SNRNP70: variants seen among roughly 807,000 people sequenced by gnomAD.
SNRNP70 encodes the protein U1 small nuclear ribonucleoprotein 70 kDa.
Under a neutral mutation model 50.5 loss-of-function variants are expected in SNRNP70, and 8 were observed. The observed-to-expected ratio is 0.16, with a 90% CI of 0.09 to 0.29. The LOEUF is 0.29. Ranked by LOEUF, SNRNP70 falls within the 10% of genes least tolerant of loss-of-function variation. The pLI is 1.00. For missense variants in SNRNP70, 529 were observed against 663.5 expected (o/e 0.80, Z 2.23); for synonymous variants, 320 against 252.9 (o/e 1.27, Z -2.52).
intron 6 of SNRNP70, among the ~76,000 whole-genome samples, chr19:49,099,830 T>G (rs1245362344): frequency 6.6e-6 from 1 of 151,766 alleles, no homozygotes; most frequent in Non-Finnish European, 1.5e-5. Context: ...TCACCTGAGG[T>G]CAGGAGGCAA....
intron 2 of SNRNP70, chr19:49,087,599 C>T (rs1406970829): frequency 6.6e-6 from 1 of 152,122 alleles, no homozygotes; most frequent in Non-Finnish European, 1.5e-5. Context: ...GGCTCCTGGA[C>T]CTCTGTGTTT....
intron 7 of SNRNP70, chr19:49,102,222 C>G (rs2040596964): frequency 7.8e-7 from 1 of 1,274,640 alleles, no homozygotes; most frequent in Non-Finnish European, 1.0e-6. Flanking sequence ...GCACCGCACA[C>G]CAGCCCAGCT....
At chr19:49,099,757 T>A (rs1348026962) in intron 6 of SNRNP70, among the ~76,000 whole-genome samples, 7 of 116,606 alleles carry the variant, frequency 6.0e-5, no homozygotes, top group Admixed American at 3.4e-4. Flanking sequence ...AAAAAAGTAT[T>A]GTAGGCTGGG....
In SNRNP70 at chr19:49,107,890, G is replaced by T; in HGVS notation, c.761G>T (p.Arg254Leu). The T allele has an allele frequency of 6.4e-7, 1 of 1,550,392 alleles. No homozygotes were observed. The highest frequency in any genetic ancestry group is 1.2e-5 in the South Asian group (1 of 84,326). ...RSRERDKERERRRSRSRDRRR... is the reference protein window; with the variant it reads ...RSRERDKERELRRSRSRDRRR... ...CGGGAGCGAGACAAGGAGCGAGAACGGCGACGCTCCCGCTCCCGGGACCGG... is the reference window on the plus strand; with the variant it reads ...CGGGAGCGAGACAAGGAGCGAGAACTGCGACGCTCCCGCTCCCGGGACCGG... Residue 254 changes from arginine to leucine, a missense_variant, in exon 10 of 10, where the codon CGG becomes CTG. Physicochemically the swap from Arg to Leu is moderately radical, Grantham distance 102. This residue lies in a region of SNRNP70 where 327 missense variants were observed against 308.8 expected (regional missense o/e 1.06). Transcript: ENST00000598441. The surrounding 1 kb of genome is among the most constrained non-coding windows in gnomAD (Gnocchi z 6.0).
Position 49,104,571 on chromosome 19 carries a change from C to A in SNRNP70, c.476-63C>A. On this transcript the variant is annotated intron_variant, in intron 7 of 9. Coordinates refer to ENST00000598441, the MANE Select transcript of SNRNP70 (RefSeq NM_003089.6). The surrounding 1 kb of genome is among the most constrained non-coding windows in gnomAD (Gnocchi z 5.4). ...GGGCGGGGATTCTGTAGAGCTGGGC[C>A]TGTCCTGACTAGAGGACCCTCTGGG... is the stretch of plus-strand genomic sequence containing the variant. 1 of 1,255,814 alleles carries A rather than the reference C, an allele frequency of 8.0e-7. No homozygotes were observed. Among genetic ancestry groups the A allele is most frequent in the Non-Finnish European group, 1.1e-6 (1 of 879,430 alleles). 77.8% of individuals were successfully genotyped at this position (1,255,814 alleles called of 1,614,324 possible).
At chr19:49,090,674 C>G (rs756889445) in intron 4 of SNRNP70, 154 bp downstream of exon 4, 2 of 723,018 alleles carry the variant, frequency 2.8e-6, no homozygotes, top group East Asian at 2.7e-5. Flanking sequence ...TTCACAAGCA[C>G]TGTTTTTGGT....
Position 49,104,514 on chromosome 19 carries a change from G to GGCGTGT in SNRNP70, c.476-108_476-103dup, listed in dbSNP as rs751439235. ...CTGTCAGTTGCCTGGCTGTCTGTTG[G>GGCGTGT]GCGTGTGCGTGTGCGTGATGATGGG... On this transcript the variant is annotated intron_variant, in intron 7 of 9. Coordinates refer to ENST00000598441, the MANE Select transcript of SNRNP70 (RefSeq NM_003089.6). The surrounding 1 kb of genome is among the most constrained non-coding windows in gnomAD (Gnocchi z 5.4). The GGCGTGT allele has an allele frequency of 2.4e-5, 18 of 749,798 alleles. No individual in the cohort carries two copies. Among genetic ancestry groups the GGCGTGT allele is most frequent in the South Asian group, 3.0e-5 (2 of 65,612 alleles). The allele number at this position is 749,798 out of a possible 1,614,324, so 46.4% of individuals were successfully genotyped here.
intron 1 of SNRNP70, 112 bp downstream of exon 1, chr19:49,085,748 C>G (rs989926822): frequency 6.7e-5 from 29 of 433,706 alleles, no homozygotes; most frequent in Non-Finnish European, 1.3e-4. Context: ...GCGTCCCCGC[C>G]ACAGGTCCCT....
chr19:49,096,545 C>T (rs1173470114), intron 4 of SNRNP70, among the ~76,000 whole-genome samples: 1 of 151,968 alleles, frequency 6.6e-6, no homozygotes, highest in Non-Finnish European at 1.5e-5. Context: ...GCAGGCAGAT[C>T]ACCTGAGGTC....
chr19:49,090,835 GT>G (rs1256073030), intron 4 of SNRNP70, among the ~76,000 whole-genome samples: 1 of 152,110 alleles, frequency 6.6e-6, no homozygotes, highest in Non-Finnish European at 1.5e-5. Flanking sequence ...TGGGATAGTG[GT>G]CTGTCCTGGC....
At position 49,107,923 on chromosome 19, in the gene SNRNP70, G is replaced by C; in HGVS notation, c.794G>C (p.Arg265Pro). 2 of 1,547,596 alleles carry C rather than the reference G, an allele frequency of 1.3e-6. No individual in the cohort carries two copies. Among genetic ancestry groups the C allele is most frequent in the Non-Finnish European group, 1.7e-6 (2 of 1,146,370 alleles). Residue 265 changes from arginine to proline, a missense_variant, in exon 10 of 10, where the codon CGC (arginine) becomes CCC (proline). Coordinates refer to ENST00000598441, the MANE Select transcript of SNRNP70 (RefSeq NM_003089.6). The surrounding 1 kb of genome is among the most constrained non-coding windows in gnomAD (Gnocchi z 6.0). ...TCCCGCTCCCGGGACCGGCGGAGGCGCTCACGGAGTCGCGACAAGGAGGAG... is the reference window on the plus strand; with the variant it reads ...TCCCGCTCCCGGGACCGGCGGAGGCCCTCACGGAGTCGCGACAAGGAGGAG... ...RRSRSRDRRR[R>P]SRSRDKEERR...
chr19:49,089,266 C>G (rs1056283007), intron 2 of SNRNP70, among the ~76,000 whole-genome samples: 1 of 152,158 alleles, frequency 6.6e-6, no homozygotes, highest in Non-Finnish European at 1.5e-5. Flanking sequence ...AACATGCTGT[C>G]GTGTGCCTGT....
chr19:49,090,129 T>C (rs1342868368), intron 2 of SNRNP70, among the ~76,000 whole-genome samples, 162 bp from the exon 3 acceptor site: 1 of 151,010 alleles, frequency 6.6e-6, no homozygotes, highest in Non-Finnish European at 1.5e-5. Context: ...TGCTTTGATC[T>C]GTGCCACTCC....
At chr19:49,099,781 G>A (rs1409380026) in intron 6 of SNRNP70, among the ~76,000 whole-genome samples, 2 of 151,262 alleles carry the variant, frequency 1.3e-5, no homozygotes, top group Admixed American at 6.6e-5. Context: ...GGTAGCTCAC[G>A]CCTGTAATCC....
In SNRNP70 at chr19:49,108,269, G is replaced by A. The variant is rs1366010994; in HGVS notation, c.1140G>A (p.Arg380=). ...RDRDRDREHK[R]GERGSERGRD... ...GTGACCGTGACCGCGAGCACAAACGGGGGGAGCGGGGCAGTGAGCGGGGCA... is the reference window on the plus strand; with the variant it reads ...GTGACCGTGACCGCGAGCACAAACGAGGGGAGCGGGGCAGTGAGCGGGGCA... The change falls in exon 10 of 10, where the codon CGG becomes CGA. Residue 380 remains arginine (R), a synonymous_variant. Transcript: ENST00000598441. 14 of 1,556,712 alleles carry A rather than the reference G, an allele frequency of 9.0e-6. No individual in the cohort carries two copies. In the East Asian group the frequency reaches 2.6e-4, roughly 29 times the overall value.
rs997543327 is a variant in SNRNP70, at chr19:49,098,722, G to C, written c.393+18G>C. 6.2e-7 allele frequency: 1 copy of C among 1,609,498 alleles called. No homozygotes were observed. The highest frequency in any genetic ancestry group is 1.3e-5 in the African/African-American group (1 of 74,816). On this transcript the variant is annotated intron_variant, in intron 6 of 9. Coordinates refer to ENST00000598441, the MANE Select transcript of SNRNP70 (RefSeq NM_003089.6). The stretch of plus-strand genomic sequence containing the variant: ...TCAAAAGAGTAAGTGGAGTGGGTCA[G>C]GGTGTTTGAATTGGGGGTGCATGGA...
chr19:49,086,993 C>T (rs1283031908), intron 2 of SNRNP70, among the ~76,000 whole-genome samples: 1 of 151,956 alleles, frequency 6.6e-6, no homozygotes, highest in Admixed American at 6.6e-5. Flanking sequence ...GAAGACCAGC[C>T]TGGCCAACAT....
chr19:49,096,895 C>T (rs760255308), intron 4 of SNRNP70, among the ~76,000 whole-genome samples: 5 of 151,844 alleles, frequency 3.3e-5, no homozygotes, highest in African/African-American at 4.8e-5. Flanking sequence ...TTTGGGAGGC[C>T]GAGGAGGGCG....
rs534665808 is a variant in SNRNP70 at position 49,108,514 on chromosome 19, C to A, written c.*71C>A. On this transcript the variant is annotated 3_prime_UTR_variant, in exon 10 of 10. Coordinates refer to ENST00000598441, the MANE Select transcript of SNRNP70 (RefSeq NM_003089.6). ...AGCCCCTTGCTGTCATCCCCTCCCC[C>A]AACCTTGGCCACTTGAGTTTGTCCT... 23 of 1,521,038 alleles carry A rather than the reference C, an allele frequency of 1.5e-5. No homozygotes were observed. The African/African-American group carries it at 3.0e-4, about 20-fold the overall frequency. 94.2% of individuals were successfully genotyped at this position (1,521,038 alleles called of 1,614,324 possible).
Sources: allele counts gnomAD v4.1 joint callset (sites outside exome capture counted in the v4.1 genomes callset), GRCh38; gene constraint gnomAD v4.1.1; regional missense constraint gnomAD v4.1.1; non-coding constraint Gnocchi (gnomAD v3.1); transcripts MANE v1.5; gene names NCBI Gene and HGNC (gene_info 2026-07-23, HGNC 2026-07-21).